Variants in UBE2K observed in about 807,000 individuals in gnomAD.
UBE2K encodes the protein ubiquitin-conjugating enzyme E2 K.
In UBE2K, 6 loss-of-function variants were observed where a neutral mutation model predicts 30.0. The ratio of observed to expected loss-of-function variants is 0.20; its 90% CI spans 0.11 to 0.39. UBE2K has a LOEUF of 0.39. Among genes scored for constraint, UBE2K ranks in the 10% least tolerant of loss-of-function variants. UBE2K has a pLI of 1.00. For synonymous variants in UBE2K, 86 were observed against 83.7 expected (o/e 1.03, Z -0.15); for missense variants, 61 against 241.6 (o/e 0.25, Z 4.96).
At chr4:39,771,160 A>G in intron 4 of UBE2K, 1 of 1,612,920 alleles carries the variant, frequency 6.2e-7, no homozygotes. Flanking sequence ...AGCGAATTCC[A>G]GGGTGCCCGT....
intron 4 of UBE2K, chr4:39,770,830 C>A (rs1663267744): frequency 1.3e-6 from 2 of 1,542,666 alleles, no homozygotes; most frequent in Non-Finnish European, 1.7e-6. Context: ...ATGTCAGATA[C>A]GTCCTCATCC....
rs998153579 is a variant in UBE2K, at chr4:39,778,707, T to C, written c.*273T>C. 4.3e-5 allele frequency: 13 copies of C among 300,258 alleles called. No individual in the cohort carries two copies. The highest frequency in any genetic ancestry group is 6.2e-5 in the Non-Finnish European group (10 of 160,388). The allele number at this position is 300,258 out of a possible 1,614,324, so 18.6% of individuals were successfully genotyped here. A position where few individuals can be genotyped will look rare whatever the true frequency, so the allele number is the denominator to read the frequency against. ...CTAAGCTAAAACCATGGAAGAAACA[T>C]GCTACTTTAGTGTTTAGCAGTGTAC... On this transcript the variant is annotated 3_prime_UTR_variant, in exon 7 of 7. Coordinates refer to ENST00000261427, the MANE Select transcript of UBE2K (RefSeq NM_005339.5).
rs1379499050 is a variant in UBE2K, at chr4:39,771,072, G to A, written c.300-3762G>A. ...TTTTGGGCTCAGTGAACTGGCTGAG[G>A]GCATTCTGGCATTTCTCCACCACGT... On this transcript the variant is annotated intron_variant, in intron 4 of 6. Coordinates refer to ENST00000261427, the MANE Select transcript of UBE2K (RefSeq NM_005339.5). 31 of 1,612,360 alleles carry A rather than the reference G, an allele frequency of 1.9e-5. 1 individual carries two copies. Among genetic ancestry groups the A allele is most frequent in the South Asian group, 3.3e-5 (3 of 91,052 alleles).
intron 4 of UBE2K, among the ~76,000 whole-genome samples, chr4:39,756,317 G>A (rs1457762474): frequency 2.0e-5 from 3 of 152,170 alleles, no homozygotes; most frequent in Non-Finnish European, 4.4e-5. Context: ...CAAGCTGCAT[G>A]GTTATGAGCA....
chr4:39,771,235 G>C lies in UBE2K; in HGVS notation c.300-3599G>C, dbSNP rs548060094. The C allele has an allele frequency of 1.2e-4, 189 of 1,612,098 alleles. 2 individuals carry two copies. The South Asian group carries it at 1.5e-3, about 12-fold the overall frequency. On this transcript the variant is annotated intron_variant, in intron 4 of 6. Transcript: ENST00000261427. ...GTGCATCAGGGAGACCTGCAGCTCCGAGCTGGGGTTAAGCAGGAACTGGTC... is the reference window on the plus strand; with the variant it reads ...GTGCATCAGGGAGACCTGCAGCTCCCAGCTGGGGTTAAGCAGGAACTGGTC...
intron 3 of UBE2K, among the ~76,000 whole-genome samples, chr4:39,753,166 A>G (rs771647610): frequency 1.4e-4 from 22 of 152,170 alleles, no homozygotes; most frequent in Non-Finnish European, 2.4e-4. Context: ...TGTCGGGTGG[A>G]TCTCTTAAGC....
intron 4 of UBE2K, among the ~76,000 whole-genome samples, chr4:39,757,004 T>G (rs1434396990): frequency 2.2e-5 from 3 of 137,830 alleles, no homozygotes; most frequent in African/African-American, 8.0e-5. Flanking sequence ...TTGGGTGTTT[T>G]TTTTTTGTTT....
At chr4:39,770,264 C>T (rs1211560548) in intron 4 of UBE2K, 3 of 1,609,832 alleles carry the variant, frequency 1.9e-6, no homozygotes, top group Non-Finnish European at 2.5e-6. Context: ...GCAGGGTGGA[C>T]TTCTGTGTGA....
intron 1 of UBE2K, among the ~76,000 whole-genome samples, chr4:39,703,532 T>G (rs1411683923): frequency 6.6e-6 from 1 of 151,906 alleles, no homozygotes; most frequent in African/African-American, 2.4e-5. Context: ...AAGAAAATGA[T>G]TCCTGGCTAT....
At chr4:39,772,386 C>T (rs1162455930) in intron 4 of UBE2K, among the ~76,000 whole-genome samples, 4 of 125,190 alleles carry the variant, frequency 3.2e-5, no homozygotes, top group Non-Finnish European at 4.9e-5. Flanking sequence ...ATGGTGAAAC[C>T]CTGTCTCTAC....
intron 4 of UBE2K, chr4:39,771,492 CCT>C: frequency 6.7e-7 from 1 of 1,481,614 alleles, no homozygotes; most frequent in Non-Finnish European, 8.9e-7. Flanking sequence ...TTTTTAATCC[CCT>C]ATTTTCCCCA....
chr4:39,744,038 T>A (rs1053306380), intron 2 of UBE2K, among the ~76,000 whole-genome samples: 1 of 152,066 alleles, frequency 6.6e-6, no homozygotes, highest in African/African-American at 2.4e-5. Context: ...AATTTTTGTA[T>A]TTTAGGTAGA....
Position 39,771,414 on chromosome 4 carries a change from C to A in UBE2K, c.300-3420C>A, listed in dbSNP as rs921485094. The A allele has an allele frequency of 5.6e-6, 9 of 1,609,444 alleles. No individual in the cohort carries two copies. The African/African-American group carries it at 1.2e-4, about 21-fold the overall frequency. On this transcript the variant is annotated intron_variant, in intron 4 of 6. Transcript: ENST00000261427. ...CCTAGTGGCCGGGCAGCTGGAAGCG[C>A]AGGACTTCACCCCAGAGGCCATTGT... is the stretch of plus-strand genomic sequence containing the variant.
rs1354761879 is a variant in UBE2K, at chr4:39,757,011, G to GTTT, written c.299+1276_299+1278dup. On this transcript the variant is annotated intron_variant, in intron 4 of 6. Transcript: ENST00000261427. ...ATGTTTTTTTGGGTGTTTTTTTTTT[G>GTTT]TTTTTTGTTTTTTGTTTTTTGTTTT... Among the ~76,000 whole-genome samples the GTTT allele has an allele frequency of 9.2e-3, 703 of 76,734 alleles. 58 individuals are homozygous for GTTT. The highest frequency in any genetic ancestry group is 0.033 in the East Asian group (67 of 2,006). The allele number at this position is 76,734 out of a possible 152,430, so 50.3% of individuals were successfully genotyped here.
chr4:39,770,799 G>A (rs1258683020), intron 4 of UBE2K: 8 of 1,564,154 alleles, frequency 5.1e-6, no homozygotes, highest in Non-Finnish European at 6.0e-6. Flanking sequence ...GTCCAGGGCC[G>A]ACTCCACCTT....
In UBE2K at chr4:39,780,233, G is replaced by A. The variant is rs1032955212; in HGVS notation, c.*1799G>A. On this transcript the variant is annotated 3_prime_UTR_variant, in exon 7 of 7. Coordinates refer to ENST00000261427, the MANE Select transcript of UBE2K (RefSeq NM_005339.5). ...ATTTATTTTAAATACCTGAAACCTC[G>A]TACTTTATATTTTGAAGTAAGGTGG... is the stretch of plus-strand genomic sequence containing the variant. 6.6e-6 allele frequency: 1 copy of A among 152,026 alleles called. No homozygotes were observed. The highest frequency in any genetic ancestry group is 1.5e-5 in the Non-Finnish European group (1 of 67,970). The allele number at this position is 152,026 out of a possible 1,614,324, so 9.4% of individuals were successfully genotyped here.
chr4:39,743,346 G>C (rs574776657), intron 2 of UBE2K, among the ~76,000 whole-genome samples: 1 of 152,312 alleles, frequency 6.6e-6, no homozygotes, highest in African/African-American at 2.4e-5. Flanking sequence ...GCTCATGCCT[G>C]TAATCCCAGC....
intron 1 of UBE2K, among the ~76,000 whole-genome samples, chr4:39,704,502 C>T (rs1718217681): frequency 6.6e-6 from 1 of 151,918 alleles, no homozygotes; most frequent in African/African-American, 2.4e-5. Flanking sequence ...GTCCATTGGG[C>T]GTAGGTTTAG....
chr4:39,700,968 G>T (rs954023596), intron 1 of UBE2K, among the ~76,000 whole-genome samples: 3 of 147,988 alleles, frequency 2.0e-5, no homozygotes, highest in Non-Finnish European at 1.5e-5. Context: ...TTGCCTGTAT[G>T]GGTAAAAGGT....
Sources: allele counts gnomAD v4.1 joint callset (sites outside exome capture counted in the v4.1 genomes callset), GRCh38; gene constraint gnomAD v4.1.1; transcripts MANE v1.5; gene names NCBI Gene and HGNC (gene_info 2026-07-23, HGNC 2026-07-21).